Variants in TMEM164 observed in about 807,000 individuals in gnomAD.
TMEM164 encodes RP13-360B22.2.
Under a neutral mutation model 18.8 loss-of-function variants are expected in TMEM164, and 4 were observed. The ratio of observed to expected loss-of-function variants is 0.21; its 90% CI spans 0.10 to 0.49. The LOEUF is 0.49. Among genes scored for constraint, TMEM164 ranks in the 20% least tolerant of loss-of-function variants. The probability of loss-of-function intolerance (pLI) is 0.98; values close to 1 mark genes in which losing one functional copy is unlikely to be tolerated. For synonymous variants in TMEM164, 86 were observed against 101.7 expected, an observed-to-expected ratio of 0.85 and a Z score of 0.93; for missense variants, 108 against 239.9, an observed-to-expected ratio of 0.45 and a Z score of 3.63.
At chrX:110,145,508 A>G (rs1374720419) in intron 5 of TMEM164, among the ~76,000 whole-genome samples, 2 of 111,767 alleles carry the variant, frequency 1.8e-5, no homozygotes, top group Non-Finnish European at 3.8e-5. Flanking sequence ...TAACAGACAA[A>G]AGGAAAGGGG....
chrX:110,011,499 G>A (rs1054644582), intron 2 of TMEM164, among the ~76,000 whole-genome samples: 4 of 111,676 alleles, frequency 3.6e-5, no homozygotes, highest in African/African-American at 1.3e-4. Context: ...GAATTCATTG[G>A]GTGATGGAGG....
intron 2 of TMEM164, among the ~76,000 whole-genome samples, chrX:110,019,979 C>T (rs1404692670): frequency 1.8e-5 from 2 of 112,238 alleles, no homozygotes; most frequent in Non-Finnish European, 3.8e-5. Flanking sequence ...CACTGTTAGA[C>T]AGAAATATTC....
chrX:110,057,548 C>CTTTTTT (rs199733800), intron 2 of TMEM164, among the ~76,000 whole-genome samples: 2 of 80,573 alleles, frequency 2.5e-5, no homozygotes, highest in African/African-American at 9.1e-5. Flanking sequence ...TAGAATAGGT[C>CTTTTTT]TTTTTTTTTT....
chrX:110,119,265 T>C (rs1347807912), intron 4 of TMEM164, among the ~76,000 whole-genome samples: 1 of 112,055 alleles, frequency 8.9e-6, no homozygotes, highest in Non-Finnish European at 1.9e-5. Context: ...CATTTATGTA[T>C]CATTTCTTTA....
intron 3 of TMEM164, among the ~76,000 whole-genome samples, chrX:110,082,923 G>C (rs1331176384): frequency 9.0e-5 from 10 of 111,412 alleles, no homozygotes; most frequent in Non-Finnish European, 1.3e-4. Flanking sequence ...GCTGAATTTT[G>C]ATGTACAGGT....
chrX:110,065,313 C>T (rs1292098120), intron 2 of TMEM164: 1 of 111,731 alleles, frequency 9.0e-6, no homozygotes, highest in Non-Finnish European at 1.9e-5. Context: ...ATTTTTACAT[C>T]TCTGTTTAGC....
chrX:110,085,494 A>G lies in TMEM164; in HGVS notation c.440+18098A>G, dbSNP rs762493167. Among the ~76,000 whole-genome samples, 4 of 110,816 alleles carry G rather than the reference A, an allele frequency of 3.6e-5. No individual in the cohort carries two copies. The South Asian group carries it at 1.5e-3, about 42-fold the overall frequency. On this transcript the variant is annotated intron_variant, in intron 3 of 6. Transcript: ENST00000372068. ...TTTTTGTATGGTTTATGAATATTCA[A>G]AAAAGGATCTGTCTTTCATCAAATA...
At chrX:110,012,780 T>C (rs1176154073) in intron 2 of TMEM164, among the ~76,000 whole-genome samples, 1 of 112,532 alleles carries the variant, frequency 8.9e-6, no homozygotes, top group Non-Finnish European at 1.9e-5. Context: ...CTTGCACATC[T>C]GTCAGTTCAT....
At chrX:110,015,578 T>C (rs926431107) in intron 2 of TMEM164, among the ~76,000 whole-genome samples, 4 of 109,942 alleles carry the variant, frequency 3.6e-5, no homozygotes, top group African/African-American at 1.4e-4. Flanking sequence ...TGTGTGTGTG[T>C]GTGCGCGCCT....
chrX:110,080,289 G>C (rs1356814858), intron 3 of TMEM164, among the ~76,000 whole-genome samples: 1 of 111,818 alleles, frequency 8.9e-6, no homozygotes, highest in African/African-American at 3.3e-5. Flanking sequence ...GTAATAATAT[G>C]TATTTCCCAT....
At chrX:110,077,526 G>T (rs923038416) in intron 3 of TMEM164, among the ~76,000 whole-genome samples, 68 of 111,660 alleles carry the variant, frequency 6.1e-4, no homozygotes, top group African/African-American at 2.0e-3. Flanking sequence ...TTGTAGTCTC[G>T]ATTGTGTAGT....
intron 4 of TMEM164, among the ~76,000 whole-genome samples, chrX:110,125,462 C>A (rs774186709): frequency 9.0e-6 from 1 of 111,618 alleles, no homozygotes; most frequent in Non-Finnish European, 1.9e-5. Flanking sequence ...AGTTTTTTCC[C>A]CCTGCAGTTC....
chrX:110,083,350 T>C (rs2065786307), intron 3 of TMEM164, among the ~76,000 whole-genome samples: 1 of 111,806 alleles, frequency 8.9e-6, no homozygotes, highest in African/African-American at 3.2e-5. Flanking sequence ...GCTATTATAC[T>C]TTTATCATAC....
intron 4 of TMEM164, among the ~76,000 whole-genome samples, chrX:110,120,406 G>A (rs888070010): frequency 4.5e-5 from 5 of 112,063 alleles, no homozygotes; most frequent in African/African-American, 1.6e-4. Context: ...CTCAACGCTG[G>A]CTGCACAATT....
At chrX:110,160,611 G>C (rs2067080324) in intron 5 of TMEM164, among the ~76,000 whole-genome samples, 1 of 112,048 alleles carries the variant, frequency 8.9e-6, no homozygotes, top group African/African-American at 3.2e-5. Flanking sequence ...TGCAGGGGGT[G>C]GGGTGGAGGG....
At chrX:110,029,071 G>A (rs1410233925) in intron 2 of TMEM164, among the ~76,000 whole-genome samples, 1 of 111,414 alleles carries the variant, frequency 9.0e-6, no homozygotes, top group East Asian at 2.8e-4. Flanking sequence ...TGGTAATGGT[G>A]AAAGCATCCC....
At chrX:110,155,360 A>G (rs918828647) in intron 5 of TMEM164, among the ~76,000 whole-genome samples, 13 of 110,307 alleles carry the variant, frequency 1.2e-4, no homozygotes, top group Admixed American at 9.7e-5. Flanking sequence ...GTACTTCAAA[A>G]ATAACAATTA....
chrX:110,105,197 CATCCATCCATCCATCCATCCATCT>C (rs1203597490), intron 3 of TMEM164, among the ~76,000 whole-genome samples: 12 of 107,117 alleles, frequency 1.1e-4, no homozygotes, highest in African/African-American at 3.4e-4. Context: ...TCCATCCATC[CATCCATCCATCCATCCATCCATCT>C]ATCCATCTTG....
chrX:110,010,781 G>T (rs1390361196), intron 2 of TMEM164, among the ~76,000 whole-genome samples: 1 of 111,792 alleles, frequency 8.9e-6, no homozygotes, highest in Non-Finnish European at 1.9e-5. Context: ...GAGGATGAGG[G>T]CCCCAAGTTA....
Sources: gnomAD v4.1 joint callset for allele counts (sites outside exome capture counted in the v4.1 genomes callset) on GRCh38, gnomAD v4.1.1 for gene constraint, MANE v1.5 for transcripts, NCBI Gene and HGNC (gene_info 2026-07-23, HGNC 2026-07-21) for gene names.